Variants in USH2A observed in about 807,000 individuals in gnomAD.
The protein encoded by USH2A is usherin, also known as Usher syndrome 2A (autosomal recessive, mild).
USH2A carries 443 observed loss-of-function variants against 538.9 expected under a neutral mutation model. The ratio of observed to expected loss-of-function variants is 0.82; its 90% CI spans 0.76 to 0.89. The LOEUF (loss-of-function observed/expected upper bound fraction) is 0.89, where lower values mean the gene tolerates loss of function less well. USH2A is among the 40% of genes least tolerant of loss of function. The pLI, the probability that USH2A is intolerant of heterozygous loss-of-function variation, is 0.00. For missense variants in USH2A, 6,633 were observed against 6,324.8 expected, an observed-to-expected ratio of 1.05 and a Z score of -1.65; for synonymous variants, 2,413 against 2,273.5, an observed-to-expected ratio of 1.06 and a Z score of -1.75.
At chr1:215,820,166 T>G (rs952421797) in intron 47 of USH2A, among the ~76,000 whole-genome samples, 1 of 151,732 alleles carries the variant, frequency 6.6e-6, no homozygotes, top group Non-Finnish European at 1.5e-5. Flanking sequence ...TATAGTTTTT[T>G]TTAGATTTTA....
chr1:216,315,536 C>A (rs1426677733), intron 9 of USH2A, among the ~76,000 whole-genome samples: 1 of 152,042 alleles, frequency 6.6e-6, no homozygotes, highest in Non-Finnish European at 1.5e-5. Flanking sequence ...GGTGATTACA[C>A]AGGGTACACA....
Position 216,191,437 on chromosome 1 carries a change from T to C in USH2A, c.4252-1070A>G, listed in dbSNP as rs1305984024. Reference sequence around the variant, plus strand: ...GTTCTAAAAAGCAGTGAGATTGGAATGTAGAATACAGTGTTTCAATAACAT... The same window carrying C: ...GTTCTAAAAAGCAGTGAGATTGGAACGTAGAATACAGTGTTTCAATAACAT... On this transcript the variant is annotated intron_variant, in intron 19 of 71. Transcript: ENST00000307340. 2.6e-5 allele frequency among the ~76,000 whole-genome samples: 4 copies of C among 152,104 alleles called. No homozygotes were observed. In the East Asian group the frequency reaches 7.8e-4, roughly 30 times the overall value.
At position 215,806,655 on chromosome 1, in the gene USH2A, C is replaced by T. The variant is rs553295529; in HGVS notation, c.9739+7081G>A. Among the ~76,000 whole-genome samples the T allele has an allele frequency of 2.0e-5, 3 of 151,808 alleles. No homozygotes were observed. The East Asian group carries it at 5.8e-4, about 29-fold the overall frequency. The stretch of plus-strand genomic sequence containing the variant: ...AAAGTTACCTCGCTTGGCATAACAC[C>T]CCATTATCCCCTGTACCAGTCCTTG... On this transcript the variant is annotated intron_variant, in intron 49 of 71. Transcript: ENST00000307340.
chr1:216,399,035 C>G (rs1253950276), intron 3 of USH2A, among the ~76,000 whole-genome samples: 1 of 152,136 alleles, frequency 6.6e-6, no homozygotes, highest in African/African-American at 2.4e-5. Context: ...GTCACCTCAG[C>G]CCAGCAAGTA....
chr1:215,626,008 AAAAC>A lies in USH2A; in HGVS notation c.15520-142_15520-139del, dbSNP rs1041206082. On this transcript the variant is annotated intron_variant, in intron 71 of 71. Transcript: ENST00000307340. ...TATTCTCAACACCATGGTGGGGTCTAAAACAGACCTTGCCTTAAATTTCTCTTAT... is the reference window on the plus strand; with the variant it reads ...TATTCTCAACACCATGGTGGGGTCTAAGACCTTGCCTTAAATTTCTCTTAT... 51 of 797,724 alleles carry A rather than the reference AAAAC, an allele frequency of 6.4e-5. No homozygotes were observed. In the African/African-American group the frequency reaches 7.4e-4, roughly 12 times the overall value. 49.4% of individuals were successfully genotyped at this position (797,724 alleles called of 1,614,324 possible).
chr1:215,682,165 C>CA (rs1057500132), intron 61 of USH2A, among the ~76,000 whole-genome samples: 2 of 151,860 alleles, frequency 1.3e-5, no homozygotes, highest in Admixed American at 1.3e-4. Flanking sequence ...ATTAATAATG[C>CA]AAAAAAGAAT....
chr1:215,807,053 T>C (rs1408897631), intron 49 of USH2A, among the ~76,000 whole-genome samples: 1 of 152,046 alleles, frequency 6.6e-6, no homozygotes. Context: ...TATGTTATGT[T>C]ACATGGCAAA....
intron 37 of USH2A, among the ~76,000 whole-genome samples, chr1:215,954,472 C>A (rs1271855949): frequency 6.7e-6 from 1 of 149,332 alleles, no homozygotes; most frequent in Non-Finnish European, 1.5e-5. Flanking sequence ...GGACAAAAAA[C>A]CAAACACCGT....
At chr1:216,189,619 C>A (rs2034674287) in intron 20 of USH2A, among the ~76,000 whole-genome samples, 1 of 151,934 alleles carries the variant, frequency 6.6e-6, no homozygotes, top group Non-Finnish European at 1.5e-5. Flanking sequence ...AATAACAATT[C>A]TTTTATTTAA....
intron 32 of USH2A, among the ~76,000 whole-genome samples, chr1:216,034,475 T>C (rs1402290950): frequency 6.6e-6 from 1 of 152,158 alleles, no homozygotes; most frequent in Non-Finnish European, 1.5e-5. Flanking sequence ...CCTGTACATG[T>C]GAATGTCACC....
chr1:216,341,559 C>T (rs1571720045), intron 4 of USH2A, among the ~76,000 whole-genome samples: 2 of 152,070 alleles, frequency 1.3e-5, no homozygotes, highest in African/African-American at 2.4e-5. Flanking sequence ...GCAAAAAGAA[C>T]GTAGCTGGAG....
At chr1:216,125,243 A>AAAT (rs1209577403) in intron 21 of USH2A, among the ~76,000 whole-genome samples, 1 of 151,800 alleles carries the variant, frequency 6.6e-6, no homozygotes, top group Non-Finnish European at 1.5e-5. Context: ...AACAAGCAAA[A>AAAT]AAAAAAAATC....
intron 30 of USH2A, among the ~76,000 whole-genome samples, chr1:216,067,316 G>T (rs2031409361): frequency 6.6e-6 from 1 of 152,060 alleles, no homozygotes; most frequent in Non-Finnish European, 1.5e-5. Flanking sequence ...ACCTAATGTA[G>T]ATGCCGGGTT....
chr1:216,144,971 G>C (rs2033667172), intron 21 of USH2A, among the ~76,000 whole-genome samples: 1 of 152,142 alleles, frequency 6.6e-6, no homozygotes, highest in Non-Finnish European at 1.5e-5. Context: ...AGAGATAACA[G>C]TGTGTTCTGT....
intron 60 of USH2A, among the ~76,000 whole-genome samples, chr1:215,732,005 C>A (rs868146553): frequency 4.6e-5 from 7 of 152,066 alleles, no homozygotes; most frequent in African/African-American, 1.7e-4. Flanking sequence ...GTATAACAAA[C>A]CTCTGAAAAT....
chr1:216,034,744 T>C (rs1669208082), intron 32 of USH2A, among the ~76,000 whole-genome samples: 1 of 152,082 alleles, frequency 6.6e-6, no homozygotes, highest in Admixed American at 6.6e-5. Flanking sequence ...CAGAAACCAC[T>C]GGAGGGCGGG....
chr1:215,650,186 C>G (rs906461162), intron 65 of USH2A, among the ~76,000 whole-genome samples: 4 of 152,126 alleles, frequency 2.6e-5, no homozygotes, highest in African/African-American at 9.7e-5. Flanking sequence ...CAAGGATATT[C>G]TTTGCTCTAT....
chr1:216,277,569 G>A (rs564571722), intron 11 of USH2A, among the ~76,000 whole-genome samples: 79 of 152,168 alleles, frequency 5.2e-4, no homozygotes, highest in South Asian at 1.0e-3. Flanking sequence ...TGCCCCTTTC[G>A]CTCTTGGGCT....
intron 41 of USH2A, among the ~76,000 whole-genome samples, chr1:215,879,503 T>C (rs1664855995): frequency 6.6e-6 from 1 of 152,218 alleles, no homozygotes; most frequent in Non-Finnish European, 1.5e-5. Flanking sequence ...TCAGAACTCA[T>C]TTCTTTGCAC....
Sources: gnomAD v4.1 joint callset for allele counts (sites outside exome capture counted in the v4.1 genomes callset) on GRCh38, gnomAD v4.1.1 for gene constraint, MANE v1.5 for transcripts, NCBI Gene and HGNC (gene_info 2026-07-23, HGNC 2026-07-21) for gene names.